Variants in LRP1B observed in about 807,000 individuals in gnomAD.
LRP1B encodes LDL receptor related protein 1B.
LRP1B carries 217 observed loss-of-function variants against 556.6 expected under a neutral mutation model. The observed-to-expected ratio is 0.39, with a 90% CI of 0.35 to 0.44. LRP1B has a LOEUF of 0.44. Ranked by LOEUF, LRP1B falls within the 20% of genes least tolerant of loss-of-function variation. The pLI, the probability that LRP1B is intolerant of heterozygous loss-of-function variation, is 1.00. For missense variants in LRP1B, 5,053 were observed against 5,620.8 expected, an observed-to-expected ratio of 0.90 and a Z score of 3.23; for synonymous variants, 2,047 against 1,865.8, an observed-to-expected ratio of 1.10 and a Z score of -2.50.
At chr2:141,727,669 A>G (rs1473431391) in intron 2 of LRP1B, among the ~76,000 whole-genome samples, 1 of 152,180 alleles carries the variant, frequency 6.6e-6, no homozygotes, top group Non-Finnish European at 1.5e-5. Context: ...AGTCTAATAG[A>G]TGACCCTTGC....
chr2:141,605,759 A>G (rs1437523978), intron 2 of LRP1B, among the ~76,000 whole-genome samples: 1 of 152,214 alleles, frequency 6.6e-6, no homozygotes, highest in Non-Finnish European at 1.5e-5. Context: ...CCACAAAGTT[A>G]GAAGTGGTAT....
At chr2:140,583,658 T>C (rs1413408166) in intron 43 of LRP1B, among the ~76,000 whole-genome samples, 1 of 152,138 alleles carries the variant, frequency 6.6e-6, no homozygotes, top group Non-Finnish European at 1.5e-5. Flanking sequence ...AATTTAACAA[T>C]GTAATTGTAC....
intron 59 of LRP1B, among the ~76,000 whole-genome samples, chr2:140,479,226 T>G (rs903722370): frequency 2.6e-5 from 4 of 152,128 alleles, no homozygotes; most frequent in Admixed American, 2.6e-4. Context: ...TACTTTTTTT[T>G]TCTTCAAATT....
intron 3 of LRP1B, among the ~76,000 whole-genome samples, chr2:141,418,275 C>T (rs1360369655): frequency 2.0e-5 from 3 of 151,914 alleles, no homozygotes; most frequent in African/African-American, 7.2e-5. Flanking sequence ...GCTTTTGTTG[C>T]CTGTGCTTTT....
intron 32 of LRP1B, among the ~76,000 whole-genome samples, chr2:140,790,652 G>A (rs559658937): frequency 2.0e-5 from 3 of 152,258 alleles, no homozygotes; most frequent in South Asian, 2.1e-4. Context: ...AGTGAGGCCC[G>A]TCTGGAAGAG....
chr2:141,370,894 A>G (rs564021044), intron 3 of LRP1B, among the ~76,000 whole-genome samples: 1 of 152,192 alleles, frequency 6.6e-6, no homozygotes, highest in Non-Finnish European at 1.5e-5. Context: ...CCATTTATTG[A>G]AAACTGTATC....
At chr2:140,530,057 T>A (rs1035212228) in intron 47 of LRP1B, among the ~76,000 whole-genome samples, 1 of 152,110 alleles carries the variant, frequency 6.6e-6, no homozygotes, top group South Asian at 2.1e-4. Context: ...TCTACTCTTG[T>A]GAAATTTAAA....
chr2:141,282,465 T>TTATGTGTATATG (rs377692835), intron 3 of LRP1B, among the ~76,000 whole-genome samples: 35 of 135,690 alleles, frequency 2.6e-4, no homozygotes, highest in African/African-American at 9.6e-4. Context: ...CTCGGGGGTT[T>TTATGTGTATATG]TATATGTATA....
chr2:140,598,878 C>G (rs2105190017), intron 42 of LRP1B, 43 bp from the exon 43 acceptor site: 1 of 1,337,070 alleles, frequency 7.5e-7, no homozygotes, highest in Non-Finnish European at 1.1e-6. Context: ...AACTTCTCAT[C>G]AAGAGTAAAA....
intron 47 of LRP1B, among the ~76,000 whole-genome samples, chr2:140,533,745 T>C (rs1445123371): frequency 6.6e-6 from 1 of 152,106 alleles, no homozygotes. Flanking sequence ...ATATTACACA[T>C]TCTGGTAGAA....
At chr2:140,908,384 ATATAT>A (rs1694320915) in intron 21 of LRP1B, among the ~76,000 whole-genome samples, 9 of 146,678 alleles carry the variant, frequency 6.1e-5, no homozygotes, top group African/African-American at 2.2e-4. Flanking sequence ...ATATATATAT[ATATAT>A]ATAAAAAGAA....
At chr2:141,621,876 CTTTT>C (rs1282684829) in intron 2 of LRP1B, among the ~76,000 whole-genome samples, 2 of 151,880 alleles carry the variant, frequency 1.3e-5, no homozygotes, top group Admixed American at 1.3e-4. Context: ...TACTATCTCT[CTTTT>C]TTGTTTGTTT....
intron 2 of LRP1B, among the ~76,000 whole-genome samples, chr2:141,696,904 G>A (rs543599194): frequency 2.5e-4 from 38 of 151,918 alleles, no homozygotes; most frequent in Admixed American, 6.6e-4. Context: ...AATGGGCGAT[G>A]TTAAAAGAAA....
At position 140,239,497 on chromosome 2, in the gene LRP1B, C is replaced by T. The variant is rs1023891103; in HGVS notation, c.13360G>A (p.Val4454Met). 6.2e-7 allele frequency: 1 copy of T among 1,603,996 alleles called. No individual in the cohort carries two copies. The highest frequency in any genetic ancestry group is 1.3e-5 in the African/African-American group (1 of 74,118). Reference sequence around the variant, plus strand: ...ATTACTAAGGTGGTTATCAAAGTCACCAAGAGGACGAGAGGCACAATGATG... The same window carrying T: ...ATTACTAAGGTGGTTATCAAAGTCATCAAGAGGACGAGAGGCACAATGATG... ...IAIIVPLVLL[V>M]TLITTLVIGL... The change falls in exon 88 of 91, where the codon GTG becomes ATG. Residue 4454 changes from valine to methionine, a missense_variant. Physicochemically the swap from Val to Met is conservative, Grantham distance 21 (BLOSUM62 1). Around this residue, in one of 5 missense-constraint regions of LRP1B, gnomAD observed 551 missense variants for 592.0 expected, o/e 0.93. Coordinates refer to ENST00000389484, the MANE Select transcript of LRP1B (RefSeq NM_018557.3).
At chr2:142,063,873 C>T (rs1705005833) in intron 1 of LRP1B, among the ~76,000 whole-genome samples, 1 of 151,588 alleles carries the variant, frequency 6.6e-6, no homozygotes, top group African/African-American at 2.4e-5. Flanking sequence ...ATCATGTCTC[C>T]ACCCTATAAG....
At chr2:140,934,658 C>A (rs1356459597) in intron 20 of LRP1B, among the ~76,000 whole-genome samples, 1 of 152,130 alleles carries the variant, frequency 6.6e-6, no homozygotes, top group Non-Finnish European at 1.5e-5. Flanking sequence ...CCAGAGTAGA[C>A]AGACAGGATC....
chr2:140,687,948 T>C (rs974548262), intron 41 of LRP1B, among the ~76,000 whole-genome samples: 4 of 152,126 alleles, frequency 2.6e-5, no homozygotes, highest in Non-Finnish European at 5.9e-5. Context: ...CTATTTATAA[T>C]TCACAGTATA....
At chr2:141,822,001 G>C (rs548016695) in intron 1 of LRP1B, among the ~76,000 whole-genome samples, 1 of 151,458 alleles carries the variant, frequency 6.6e-6, no homozygotes, top group Admixed American at 6.6e-5. Context: ...AACACTGGTA[G>C]GTTTCTTGTG....
chr2:140,475,609 A>G (rs1687942623), intron 59 of LRP1B, among the ~76,000 whole-genome samples: 1 of 151,414 alleles, frequency 6.6e-6, no homozygotes, highest in South Asian at 2.1e-4. Flanking sequence ...TCATGTGTTA[A>G]CCAATTATAG....
Sources: gnomAD v4.1 joint callset for allele counts (sites outside exome capture counted in the v4.1 genomes callset) on GRCh38, gnomAD v4.1.1 for gene constraint, gnomAD v4.1.1 regional missense constraint, MANE v1.5 for transcripts, NCBI Gene and HGNC (gene_info 2026-07-23, HGNC 2026-07-21) for gene names.